The following PPP1R12C variants were observed in gnomAD, a reference collection of about 807,000 sequenced individuals.
PPP1R12C encodes the protein protein phosphatase 1 regulatory subunit 12C.
A neutral mutation model predicts 95.6 loss-of-function variants in PPP1R12C; 48 were observed. That is an observed-to-expected ratio of 0.50 (90% CI 0.40 to 0.64). The LOEUF (loss-of-function observed/expected upper bound fraction) is 0.64. Among genes scored for constraint, PPP1R12C ranks in the 30% least tolerant of loss-of-function variants. PPP1R12C has a pLI of 0.00. For synonymous variants in PPP1R12C, 480 were observed against 460.8 expected, an observed-to-expected ratio of 1.04 and a Z score of -0.53; for missense variants, 1,057 against 1,083.3, an observed-to-expected ratio of 0.98 and a Z score of 0.34.
chr19:55,112,780 T>A lies in PPP1R12C; in HGVS notation c.337A>T (p.Asn113Tyr). ...SALHQACIDENLEVVRFLVEQ... is the reference protein window; with the variant it reads ...SALHQACIDEYLEVVRFLVEQ... ...ACCAAGAAGCGCACCACCTCCAGGT[T>A]CTCATCAATGCAGGCCTGGGGGTGG... The change falls in exon 2 of 22, where the codon AAC (asparagine) becomes TAC (tyrosine). Residue 113 changes from asparagine to tyrosine, a missense_variant. By Grantham distance (143) the Asn-to-Tyr change is moderately radical (BLOSUM62 -2). This residue lies in a region of PPP1R12C where 282 missense variants were observed against 380.4 expected (regional missense o/e 0.74). Transcript: ENST00000263433. The A allele has an allele frequency of 1.2e-6, 2 of 1,612,010 alleles. No individual in the cohort carries two copies. Among genetic ancestry groups the A allele is most frequent in the South Asian group, 1.1e-5 (1 of 91,008 alleles).
intron 20 of PPP1R12C, 30 bp from the exon 21 acceptor site, chr19:55,091,730 G>A (rs201312373): frequency 8.1e-6 from 13 of 1,613,488 alleles, no homozygotes; most frequent in Non-Finnish European, 1.0e-5. Context: ...TGCAGAAACT[G>A]AGTGAGGCTG....
intron 6 of PPP1R12C, 27 bp downstream of exon 6, chr19:55,098,757 G>C: frequency 6.2e-7 from 1 of 1,612,868 alleles, no homozygotes. Flanking sequence ...GGGAGTCTGG[G>C]GTAAGCCCCT....
chr19:55,094,656 T>C lies in PPP1R12C; in HGVS notation c.1592+5A>G. 1 of 1,582,916 alleles carries C rather than the reference T, an allele frequency of 6.3e-7. No homozygotes were observed. The highest frequency in any genetic ancestry group is 8.6e-7 in the Non-Finnish European group (1 of 1,169,282). On this transcript the variant is annotated splice_donor_5th_base_variant and intron_variant, in intron 12 of 21. Transcript: ENST00000263433. ...GGCGGCAGCTTCCTGCCCTGGCCTC[T>C]TCACCTCCGTCGGTCCCGGGAGTCC...
rs2084854766 is a variant in PPP1R12C at position 55,092,422 on chromosome 19, ACGGAG to A, written c.2055+15_2055+19del. ...TGGGCACCCAGCAGGCAAAGCCCCGACGGAGGGGTGGGATCGCACCGTCCTAAAGC... is the reference window on the plus strand; with the variant it reads ...TGGGCACCCAGCAGGCAAAGCCCCGAGGGTGGGATCGCACCGTCCTAAAGC... On this transcript the variant is annotated intron_variant, in intron 18 of 21. Transcript: ENST00000263433. 1 of 1,593,512 alleles carries A rather than the reference ACGGAG, an allele frequency of 6.3e-7. No homozygotes were observed. Among genetic ancestry groups the A allele is most frequent in the Non-Finnish European group, 8.5e-7 (1 of 1,170,584 alleles).
intron 3 of PPP1R12C, among the ~76,000 whole-genome samples, chr19:55,106,467 C>T (rs904714349): frequency 1.5e-4 from 23 of 152,224 alleles, no homozygotes; most frequent in Admixed American, 4.6e-4. Flanking sequence ...CTCCCGTGTC[C>T]GCCCTTGTCA....
intron 11 of PPP1R12C, 158 bp downstream of exon 11, chr19:55,095,129 TGAGG>T: frequency 1.2e-6 from 1 of 854,442 alleles, no homozygotes; most frequent in Non-Finnish European, 1.9e-6. Flanking sequence ...AACACAGACC[TGAGG>T]GAGGGAGAGA....
chr19:55,106,189 TACAGAG>T (rs2085036425), intron 3 of PPP1R12C, among the ~76,000 whole-genome samples: 1 of 151,336 alleles, frequency 6.6e-6, no homozygotes, highest in Non-Finnish European at 1.5e-5. Context: ...TCTAGCCCTT[TACAGAG>T]AAAGTTTGCT....
intron 3 of PPP1R12C, chr19:55,112,132 A>C: frequency 4.6e-6 from 1 of 219,126 alleles, no homozygotes; most frequent in Non-Finnish European, 9.0e-6. Context: ...GACCTGCGGC[A>C]GGGTTCCAGC....
intron 20 of PPP1R12C, 21 bp from the exon 21 acceptor site, chr19:55,091,721 G>A (rs756771959): frequency 1.9e-6 from 3 of 1,613,588 alleles, no homozygotes; most frequent in South Asian, 1.1e-5. Context: ...CAGGGAAAGT[G>A]CAGAAACTGA....
At chr19:55,098,068 C>G (rs2084942118) in intron 6 of PPP1R12C, among the ~76,000 whole-genome samples, 1 of 152,206 alleles carries the variant, frequency 6.6e-6, no homozygotes, top group Non-Finnish European at 1.5e-5. Flanking sequence ...TGTCTCCGCT[C>G]CCCTGCCCAC....
chr19:55,107,097 T>G (rs1023856795), intron 3 of PPP1R12C, among the ~76,000 whole-genome samples: 4 of 151,674 alleles, frequency 2.6e-5, no homozygotes, highest in East Asian at 1.9e-4. Flanking sequence ...TTCAGCTACA[T>G]AAGGCCATAG....
At chr19:55,111,205 GGAT>G (rs1031748010) in intron 3 of PPP1R12C, among the ~76,000 whole-genome samples, 3 of 151,054 alleles carry the variant, frequency 2.0e-5, no homozygotes, top group African/African-American at 7.3e-5. Flanking sequence ...TTTCGTTGGG[GGAT>G]GATGAAAATG....
In PPP1R12C at chr19:55,095,301, GC is replaced by G; in HGVS notation, c.1443del (p.Glu481AspfsTer83). On this transcript the variant is annotated frameshift_variant, in exon 11 of 22. Coordinates refer to ENST00000263433, the MANE Select transcript of PPP1R12C (RefSeq NM_017607.4). LOFTEE classifies it high-confidence loss of function. The stretch of plus-strand genomic sequence containing the variant: ...GCCCTGGGGACTCACAGGACAGAGG[GC>G]TCCGGCAGCTTCGGGGAGGGGGTCG... ...ITPTPSPKLP[E>X]PSVLSEVTKP... 1 of 1,578,116 alleles carries G rather than the reference GC, an allele frequency of 6.3e-7. No homozygotes were observed. The highest frequency in any genetic ancestry group is 8.6e-7 in the Non-Finnish European group (1 of 1,162,350).
chr19:55,103,031 A>C (rs1170660330), intron 4 of PPP1R12C, among the ~76,000 whole-genome samples: 3 of 151,938 alleles, frequency 2.0e-5, no homozygotes, highest in Non-Finnish European at 4.4e-5. Flanking sequence ...GTGAAACCCC[A>C]TCTCTACAAA....
At chr19:55,114,925 C>G (rs372775238) in intron 1 of PPP1R12C, 2 of 152,168 alleles carry the variant, frequency 1.3e-5, no homozygotes, top group African/African-American at 4.8e-5. Flanking sequence ...GGGGCTCAGT[C>G]TGAAGAGCAG....
In PPP1R12C at chr19:55,095,824, G is replaced by A. The variant is rs752764604; in HGVS notation, c.1227+43C>T. ...ACAGGCTGTATGGAATCCCACCTCC[G>A]GGCCCTCCCAGCCTCACAGGACCTC... On this transcript the variant is annotated intron_variant, in intron 9 of 21. Transcript: ENST00000263433. 37 of 1,596,644 alleles carry A rather than the reference G, an allele frequency of 2.3e-5. No homozygotes were observed. The South Asian group carries it at 3.9e-4, about 17-fold the overall frequency.
chr19:55,092,117 G>A, intron 19 of PPP1R12C, 105 bp downstream of exon 19: 1 of 1,171,562 alleles, frequency 8.5e-7, no homozygotes, highest in Non-Finnish European at 1.2e-6. Context: ...CTCAAGTGAA[G>A]CCCAGCCCCG....
chr19:55,098,552 T>G (rs916372674), intron 6 of PPP1R12C, among the ~76,000 whole-genome samples: 1 of 152,238 alleles, frequency 6.6e-6, no homozygotes, highest in Non-Finnish European at 1.5e-5. Flanking sequence ...TCCAAATCCT[T>G]CTGCCGCCCC....
chr19:55,099,763 T>C (rs905121629), intron 4 of PPP1R12C, among the ~76,000 whole-genome samples: 2 of 152,210 alleles, frequency 1.3e-5, no homozygotes, highest in African/African-American at 4.8e-5. Flanking sequence ...GACAGTGTTC[T>C]GCGAGAAAAC....
Sources: gnomAD v4.1 joint callset for allele counts (sites outside exome capture counted in the v4.1 genomes callset) on GRCh38, gnomAD v4.1.1 for gene constraint, gnomAD v4.1.1 regional missense constraint, MANE v1.5 for transcripts, NCBI Gene and HGNC (gene_info 2026-07-23, HGNC 2026-07-21) for gene names.